Variants in FGF12 observed in about 807,000 individuals in gnomAD.
FGF12 encodes fibroblast growth factor 12.
In FGF12, 14 loss-of-function variants were observed where a neutral mutation model predicts 23.6. The observed-to-expected ratio is 0.59, with a 90% CI of 0.39 to 0.93. FGF12 has a LOEUF of 0.93. Ranked by LOEUF, FGF12 falls within the 40% of genes least tolerant of loss-of-function variation. FGF12 has a pLI of 0.00. For missense variants in FGF12, 175 were observed against 217.8 expected (o/e 0.80, Z 1.24); for synonymous variants, 62 against 77.3 (o/e 0.80, Z 1.04).
chr3:192,184,382 T>A (rs1349473108), intron 4 of FGF12, among the ~76,000 whole-genome samples: 1 of 152,220 alleles, frequency 6.6e-6, no homozygotes, highest in Admixed American at 6.5e-5. Flanking sequence ...GGTAGGAAGT[T>A]ATTTGCTCTT....
At chr3:192,664,299 C>A (rs1350680129) in intron 2 of FGF12, among the ~76,000 whole-genome samples, 1 of 152,020 alleles carries the variant, frequency 6.6e-6, no homozygotes, top group Non-Finnish European at 1.5e-5. Flanking sequence ...TGAGTGTGAG[C>A]ACTTCCTGTT....
At chr3:192,537,732 C>G (rs1206945941) in intron 2 of FGF12, among the ~76,000 whole-genome samples, 1 of 152,106 alleles carries the variant, frequency 6.6e-6, no homozygotes, top group African/African-American at 2.4e-5. Flanking sequence ...TATTTTCCCC[C>G]ATTCTGTGGG....
At chr3:192,625,572 C>T (rs1359025034) in intron 2 of FGF12, among the ~76,000 whole-genome samples, 1 of 152,014 alleles carries the variant, frequency 6.6e-6, no homozygotes, top group Non-Finnish European at 1.5e-5. Flanking sequence ...TAGTGTCAAA[C>T]ACTAATGCTT....
chr3:192,159,887 G>A (rs1420385548), intron 5 of FGF12, among the ~76,000 whole-genome samples: 1 of 152,104 alleles, frequency 6.6e-6, no homozygotes, highest in Non-Finnish European at 1.5e-5. Flanking sequence ...TAGTGTCTGA[G>A]TTGTAATAAC....
Position 192,183,584 on chromosome 3 carries a change from C to G in FGF12, c.229-12928G>C, listed in dbSNP as rs568200630. Among the ~76,000 whole-genome samples, 13 of 152,310 alleles carry G rather than the reference C, an allele frequency of 8.5e-5. No homozygotes were observed. The East Asian group carries it at 2.3e-3, about 27-fold the overall frequency. On this transcript the variant is annotated intron_variant, in intron 4 of 5. Coordinates refer to ENST00000445105, the MANE Select transcript of FGF12 (RefSeq NM_004113.6). ...TCTAAAGTCCCAGGAATATCATTTA[C>G]CTGTATCATGTTTTGGATATACTAC...
intron 2 of FGF12, among the ~76,000 whole-genome samples, chr3:192,427,338 C>CA (rs1166185557): frequency 6.6e-6 from 1 of 151,038 alleles, no homozygotes; most frequent in Non-Finnish European, 1.5e-5. Flanking sequence ...CTGAGACTGC[C>CA]ATTGCACTTC....
chr3:192,159,550 A>G lies in FGF12; in HGVS notation c.427+10908T>C, dbSNP rs552399924. ...AGTATTCTCCCCATTTCTTGTCACAACTATAGTGATGGAGGTCAAGGTGGT... is the reference window on the plus strand; with the variant it reads ...AGTATTCTCCCCATTTCTTGTCACAGCTATAGTGATGGAGGTCAAGGTGGT... On this transcript the variant is annotated intron_variant, in intron 5 of 5. Transcript: ENST00000445105. 3.9e-5 allele frequency among the ~76,000 whole-genome samples: 6 copies of G among 152,286 alleles called. No homozygotes were observed. In the East Asian group the frequency reaches 1.2e-3, roughly 29 times the overall value.
chr3:192,462,180 TA>T (rs936137649), intron 2 of FGF12, among the ~76,000 whole-genome samples: 4 of 152,146 alleles, frequency 2.6e-5, no homozygotes, highest in African/African-American at 9.7e-5. Context: ...CTAATGTCAA[TA>T]AAACAGTGGG....
At chr3:192,217,682 A>G (rs896318896) in intron 4 of FGF12, among the ~76,000 whole-genome samples, 3 of 152,160 alleles carry the variant, frequency 2.0e-5, no homozygotes, top group Non-Finnish European at 4.4e-5. Context: ...GTTTCTCTGA[A>G]TTGCTTTGCT....
In FGF12 at chr3:192,509,920, G is replaced by C. The variant is rs142806940; in HGVS notation, c.14-149382C>G. On this transcript the variant is annotated intron_variant, in intron 2 of 5. Transcript: ENST00000445105. Reference sequence around the variant, plus strand: ...GCACCGCCTTATTATATCAACAAAGGCAAGTTAGATAATACACTAACTTAA... The same window carrying C: ...GCACCGCCTTATTATATCAACAAAGCCAAGTTAGATAATACACTAACTTAA... Among the ~76,000 whole-genome samples the C allele has an allele frequency of 1.5e-3, 231 of 152,122 alleles. 1 individual carries two copies. The Middle Eastern group carries it at 0.02, about 13-fold the overall frequency.
rs781298099 is a variant in FGF12 at position 192,360,440 on chromosome 3, T to C, written c.112A>G (p.Asn38Asp). Residue 38 changes from asparagine (N) to aspartate (D), a missense_variant, in exon 3 of 6, where the codon AAC becomes GAC. Asn to Asp is a conservative substitution (Grantham distance 23). Coordinates refer to ENST00000445105, the MANE Select transcript of FGF12 (RefSeq NM_004113.6). The surrounding 1 kb of genome is among the most constrained non-coding windows in gnomAD (Gnocchi z 4.3). ...DGTIDGTKDE[N>D]SDYTLFNLIP... The stretch of plus-strand genomic sequence containing the variant: ...TAATGTTTCTTACTGTAGTCGCTGT[T>C]TTCGTCCTTGGTCCCATCAATGGTA... The C allele has an allele frequency of 6.2e-7, 1 of 1,610,684 alleles. No individual in the cohort carries two copies. Among genetic ancestry groups the C allele is most frequent in the Non-Finnish European group, 8.5e-7 (1 of 1,176,906 alleles).
At chr3:192,535,233 A>C (rs891015403) in intron 2 of FGF12, among the ~76,000 whole-genome samples, 1 of 152,220 alleles carries the variant, frequency 6.6e-6, no homozygotes, top group African/African-American at 2.4e-5. Flanking sequence ...CTCCATATGA[A>C]GTAGCTATCC....
At chr3:192,615,707 A>T (rs569342407) in intron 2 of FGF12, among the ~76,000 whole-genome samples, 1 of 152,102 alleles carries the variant, frequency 6.6e-6, no homozygotes, top group Non-Finnish European at 1.5e-5. Flanking sequence ...ATGTTAAAAG[A>T]AATCTAAATG....
rs78735657 is a variant in FGF12 at position 192,374,978 on chromosome 3, A to C, written c.14-14440T>G. 4.4e-3 allele frequency among the ~76,000 whole-genome samples: 672 copies of C among 152,302 alleles called. 2 individuals carry two copies. Among genetic ancestry groups the C allele is most frequent in the African/African-American group, 0.016 (651 of 41,554 alleles). ...ATTACTTTGCTAACGAGATGCAGACATATTTCTGAATTTGGGAGGTAGCCT... is the reference window on the plus strand; with the variant it reads ...ATTACTTTGCTAACGAGATGCAGACCTATTTCTGAATTTGGGAGGTAGCCT... On this transcript the variant is annotated intron_variant, in intron 2 of 5. Coordinates refer to ENST00000445105, the MANE Select transcript of FGF12 (RefSeq NM_004113.6).
chr3:192,302,478 TATATC>T lies in FGF12; in HGVS notation c.228+32878_228+32882del, dbSNP rs377492667. Among the ~76,000 whole-genome samples the T allele has an allele frequency of 4.5e-3, 683 of 152,324 alleles. 4 individuals are homozygous for T. The highest frequency in any genetic ancestry group is 0.02 in the Middle Eastern group (6 of 294). On this transcript the variant is annotated intron_variant, in intron 4 of 5. Transcript: ENST00000445105. ...TGAGCTGTTCAGAGATGAAGACTAATATATCATAATGTGCACTTACTAATTCACTA... is the reference window on the plus strand; with the variant it reads ...TGAGCTGTTCAGAGATGAAGACTAATATAATGTGCACTTACTAATTCACTA...
chr3:192,723,862 T>TGA (rs1285375793), intron 2 of FGF12, among the ~76,000 whole-genome samples: 2 of 111,840 alleles, frequency 1.8e-5, no homozygotes, highest in South Asian at 2.8e-4. Context: ...TGTGTGTGTG[T>TGA]GAGAGAGAGA....
chr3:192,425,770 T>G (rs1277325583), intron 2 of FGF12, among the ~76,000 whole-genome samples: 1 of 152,198 alleles, frequency 6.6e-6, no homozygotes, highest in African/African-American at 2.4e-5. Flanking sequence ...GTGATAGAAT[T>G]TAATCTATAA....
At chr3:192,496,840 A>G (rs1430639511) in intron 2 of FGF12, among the ~76,000 whole-genome samples, 1 of 152,076 alleles carries the variant, frequency 6.6e-6, no homozygotes, top group African/African-American at 2.4e-5. Flanking sequence ...ACTCTCCTGA[A>G]TTTCCTCTAC....
At chr3:192,560,255 A>T (rs1404999865) in intron 2 of FGF12, among the ~76,000 whole-genome samples, 3 of 152,086 alleles carry the variant, frequency 2.0e-5, no homozygotes, top group African/African-American at 7.2e-5. Context: ...ATGAGATTCA[A>T]ATTCTTATAT....
Sources: gnomAD v4.1 joint callset for allele counts (sites outside exome capture counted in the v4.1 genomes callset) on GRCh38, gnomAD v4.1.1 for gene constraint, Gnocchi (gnomAD v3.1) non-coding constraint, MANE v1.5 for transcripts, NCBI Gene and HGNC (gene_info 2026-07-23, HGNC 2026-07-21) for gene names.